The following SMG1 variants were observed in gnomAD, a reference collection of about 807,000 sequenced individuals.
SMG1 encodes serine/threonine-protein kinase SMG1.
In SMG1, 22 loss-of-function variants were observed where a neutral mutation model predicts 419.9. The observed-to-expected ratio is 0.05, with a 90% CI of 0.04 to 0.07. SMG1 has a LOEUF of 0.07. SMG1 is among the 10% of genes least tolerant of loss of function. The pLI is 1.00. For missense variants in SMG1, 3,185 were observed against 4,342.0 expected (o/e 0.73, Z 7.49); for synonymous variants, 1,538 against 1,553.5 (o/e 0.99, Z 0.23).
At chr16:18,905,306 C>A (rs955474713) in intron 1 of SMG1, among the ~76,000 whole-genome samples, 3 of 152,070 alleles carry the variant, frequency 2.0e-5, no homozygotes, top group Non-Finnish European at 4.4e-5. Flanking sequence ...TGCCTTTCTC[C>A]CTCTATCAAT....
intron 1 of SMG1, among the ~76,000 whole-genome samples, chr16:18,914,758 C>T (rs1483910335): frequency 6.6e-6 from 1 of 151,950 alleles, no homozygotes; most frequent in African/African-American, 2.4e-5. Flanking sequence ...AGTGTGTTTC[C>T]CCAGGCATTC....
At chr16:18,905,490 C>T (rs2037524035) in intron 1 of SMG1, among the ~76,000 whole-genome samples, 1 of 152,112 alleles carries the variant, frequency 6.6e-6, no homozygotes, top group African/African-American at 2.4e-5. Context: ...TCCCATGAGA[C>T]TTTTTCAGTT....
intron 4 of SMG1, 91 bp downstream of exon 4, chr16:18,892,127 C>T: frequency 1.1e-6 from 1 of 888,020 alleles, no homozygotes; most frequent in Non-Finnish European, 1.8e-6. Context: ...ATAATACAGA[C>T]TTTCCCCATT....
chr16:18,914,121 G>A (rs1243509376), intron 1 of SMG1, among the ~76,000 whole-genome samples: 3 of 150,728 alleles, frequency 2.0e-5, no homozygotes, highest in South Asian at 2.1e-4. Flanking sequence ...AGCCTAGATC[G>A]TGCCCTTGCA....
rs1244444327 is a variant in SMG1 at position 18,808,634 on chromosome 16, A to G, written c.*935T>C. On this transcript the variant is annotated 3_prime_UTR_variant, in exon 63 of 63. Transcript: ENST00000446231. Reference sequence around the variant, plus strand: ...GCACACTATAAGCAAAAGGGAGTGTACATTAAATCAAATGTCTGTTAGATT... The same window carrying G: ...GCACACTATAAGCAAAAGGGAGTGTGCATTAAATCAAATGTCTGTTAGATT... 3.3e-5 allele frequency: 5 copies of G among 152,676 alleles called. No homozygotes were observed. The highest frequency in any genetic ancestry group is 7.3e-5 in the Non-Finnish European group (5 of 68,046). 9.5% of individuals were successfully genotyped at this position (152,676 alleles called of 1,614,324 possible). A position where few individuals can be genotyped will look rare whatever the true frequency, so the allele number is the denominator to read the frequency against.
chr16:18,847,868 T>G lies in SMG1; in HGVS notation c.5789A>C (p.Tyr1930Ser). The G allele has an allele frequency of 6.2e-7, 1 of 1,614,072 alleles. No individual in the cohort carries two copies. Among genetic ancestry groups the G allele is most frequent in the Non-Finnish European group, 8.5e-7 (1 of 1,179,896 alleles). Residue 1930 changes from tyrosine to serine, a missense_variant, in exon 37 of 63, where the codon TAC becomes TCC. By Grantham distance (144) the Tyr-to-Ser change is moderately radical. Transcript: ENST00000446231. ...NEDQAMMQDCYSKIVDKLSSA... is the reference protein window; with the variant it reads ...NEDQAMMQDCSSKIVDKLSSA... ...GGACAGCTTATCTACAATTTTGCTG[T>G]AACAATCCTGCATCATGGCTTGGTC...
chr16:18,812,863 C>T (rs1179014471), intron 60 of SMG1, among the ~76,000 whole-genome samples: 1 of 152,106 alleles, frequency 6.6e-6, no homozygotes, highest in Admixed American at 6.6e-5. Flanking sequence ...TGTTCCCCTT[C>T]CTGTGTCCAA....
intron 8 of SMG1, 83 bp from the exon 9 acceptor site, chr16:18,884,250 G>C (rs1221133251): frequency 3.2e-6 from 2 of 619,664 alleles, no homozygotes; most frequent in East Asian, 2.9e-5. Flanking sequence ...TAAGAGGCTT[G>C]TTTTAAGAGG....
intron 13 of SMG1, 72 bp downstream of exon 13, chr16:18,876,052 G>A: frequency 6.7e-7 from 1 of 1,498,832 alleles, no homozygotes; most frequent in Non-Finnish European, 9.2e-7. Flanking sequence ...ACATGACAGT[G>A]AAATACATAA....
At chr16:18,911,911 T>C (rs1470689005) in intron 1 of SMG1, among the ~76,000 whole-genome samples, 2 of 151,836 alleles carry the variant, frequency 1.3e-5, no homozygotes, top group African/African-American at 4.8e-5. Context: ...GTGAAACCCG[T>C]CTCTACTAAA....
chr16:18,863,659 T>C lies in SMG1; in HGVS notation c.3686A>G (p.Asn1229Ser), dbSNP rs759501589. ...STSLNLKADF[N>S]YIKSLSSFES... is the part of the protein sequence containing the mutation. ...AAAAAGTAAGCCTTACTTTATATAG[T>C]TGAAGTCAGCTTTCAGGTTGAGGGA... Residue 1229 changes from asparagine to serine, a missense_variant, in exon 25 of 63, where the codon AAC becomes AGC. By Grantham distance (46) the Asn-to-Ser change is conservative. Coordinates refer to ENST00000446231, the MANE Select transcript of SMG1 (RefSeq NM_015092.5). 66 of 1,594,272 alleles carry C rather than the reference T, an allele frequency of 4.1e-5. No individual in the cohort carries two copies. The Admixed American group carries it at 6.8e-4, about 17-fold the overall frequency.
At chr16:18,887,980 G>A (rs1464410048) in intron 6 of SMG1, among the ~76,000 whole-genome samples, 1 of 150,802 alleles carries the variant, frequency 6.6e-6, no homozygotes, top group East Asian at 1.9e-4. Flanking sequence ...AGCATGGCCA[G>A]CACAACGAAA....
chr16:18,926,061 T>C lies in SMG1; in HGVS notation c.-20A>G. On this transcript the variant is annotated 5_prime_UTR_variant, in exon 1 of 63. An upstream start codon of the reference 5' UTR is lost. Transcript: ENST00000446231. Reference sequence around the variant, plus strand: ...GCTCATTACCTTCCCCGACACGACATGGCCAAGCGCCGCCGCCCAAAGAAG... The same window carrying C: ...GCTCATTACCTTCCCCGACACGACACGGCCAAGCGCCGCCGCCCAAAGAAG... The C allele has an allele frequency of 6.4e-7, 1 of 1,555,226 alleles. No individual in the cohort carries two copies. Among genetic ancestry groups the C allele is most frequent in the Non-Finnish European group, 8.6e-7 (1 of 1,159,956 alleles).
chr16:18,817,430 A>G lies in SMG1; in HGVS notation c.9935T>C (p.Leu3312Ser). 1 of 1,591,922 alleles carries G rather than the reference A, an allele frequency of 6.3e-7. No individual in the cohort carries two copies. The highest frequency in any genetic ancestry group is 8.6e-7 in the Non-Finnish European group (1 of 1,167,998). Residue 3312 changes from leucine to serine, a missense_variant, in exon 57 of 63, where the codon TTA becomes TCA. Leu to Ser is a moderately radical substitution (Grantham distance 145). Coordinates refer to ENST00000446231, the MANE Select transcript of SMG1 (RefSeq NM_015092.5). ...TAAGGCTTCTGCAGTTCTTGTTCGT[A>G]AACTTTCAAAATGAATGATATTGCT... ...LCSNIIHFES[L>S]RTRTAEALNL...
At chr16:18,886,456 GAAAAGCTCTGCTTTACATAGCAATCTT>G (rs1187858252) in intron 6 of SMG1, among the ~76,000 whole-genome samples, 1 of 151,990 alleles carries the variant, frequency 6.6e-6, no homozygotes, top group Non-Finnish European at 1.5e-5. Flanking sequence ...CCTAAAAAAG[GAAAAGCTCTGCTTTACATAGCAATCTT>G]ATAAAAGAAA....
intron 42 of SMG1, among the ~76,000 whole-genome samples, chr16:18,839,383 CTTCT>C (rs1308771909): frequency 6.6e-6 from 1 of 152,064 alleles, no homozygotes; most frequent in Non-Finnish European, 1.5e-5. Context: ...CTGTTGTTCC[CTTCT>C]TTGTGTCCAT....
intron 1 of SMG1, among the ~76,000 whole-genome samples, chr16:18,910,232 A>ATTTT (rs34246490): frequency 1.2e-3 from 160 of 136,526 alleles, no homozygotes; most frequent in Middle Eastern, 3.9e-3. Context: ...ATGCCCAGCT[A>ATTTT]TTTTTTTTTT....
At chr16:18,913,578 T>C (rs544692347) in intron 1 of SMG1, among the ~76,000 whole-genome samples, 10 of 152,186 alleles carry the variant, frequency 6.6e-5, no homozygotes, top group African/African-American at 2.2e-4. Flanking sequence ...ACATATTCAT[T>C]AGTGGAGCCT....
chr16:18,841,484 A>T (rs2033923574), intron 41 of SMG1, 81 bp downstream of exon 41: 3 of 1,336,824 alleles, frequency 2.2e-6, no homozygotes, highest in South Asian at 1.2e-5. Context: ...ATAAACATGC[A>T]AAAATGGTCC....
Sources: allele counts gnomAD v4.1 joint callset (sites outside exome capture counted in the v4.1 genomes callset), GRCh38; gene constraint gnomAD v4.1.1; transcripts MANE v1.5; gene names NCBI Gene and HGNC (gene_info 2026-07-23, HGNC 2026-07-21).